The following GLYR1 variants were observed in gnomAD, a reference collection of about 807,000 sequenced individuals.
GLYR1 encodes the protein glyoxylate reductase 1 homolog, also known as cytokine-like nuclear factor N-PAC.
Under a neutral mutation model 72.7 loss-of-function variants are expected in GLYR1, and 21 were observed. The observed-to-expected ratio is 0.29, with a 90% CI of 0.20 to 0.42. GLYR1 has a LOEUF of 0.42. GLYR1 is among the 10% of genes least tolerant of loss of function. The pLI is 1.00. For synonymous variants in GLYR1, 392 were observed against 270.2 expected (o/e 1.45, Z -4.42); for missense variants, 594 against 712.1 (o/e 0.83, Z 1.89).
Position 4,847,252 on chromosome 16 carries a change from C to T in GLYR1, c.14G>A (p.Ser5Asn), listed in dbSNP as rs113041803. The T allele has an allele frequency of 3.1e-6, 5 of 1,610,124 alleles. No homozygotes were observed. The African/African-American group carries it at 5.3e-5, about 17-fold the overall frequency. The part of the protein sequence containing the change: MAAV[S>N]LRLGDLVWGK... The stretch of plus-strand genomic sequence containing the variant: ...CCACACCAAGTCGCCGAGCCGCAGA[C>T]TCACAGCCGCCATCTTACCACCCAA... The change falls in exon 1 of 16, where the codon AGT (serine) becomes AAT (asparagine). Residue 5 changes from serine to asparagine, a missense_variant. Physicochemically the swap from Ser to Asn is conservative, Grantham distance 46. This residue lies in a region of GLYR1 where 62 missense variants were observed against 82.5 expected (regional missense o/e 0.75). Transcript: ENST00000321919.
chr16:4,826,182 G>C (rs975659673), intron 5 of GLYR1, among the ~76,000 whole-genome samples: 1 of 151,998 alleles, frequency 6.6e-6, no homozygotes, highest in Admixed American at 6.6e-5. Context: ...TGGGTAGCTG[G>C]GACTACAGGT....
chr16:4,832,606 G>A, intron 4 of GLYR1, 168 bp downstream of exon 4: 2 of 801,554 alleles, frequency 2.5e-6, no homozygotes, highest in Non-Finnish European at 3.9e-6. Context: ...TAGCTGCATG[G>A]AGTTTCAAAC....
chr16:4,835,147 G>C (rs1001221118), intron 3 of GLYR1, among the ~76,000 whole-genome samples: 2 of 152,032 alleles, frequency 1.3e-5, no homozygotes, highest in African/African-American at 4.8e-5. Context: ...CTTGAGATGG[G>C]ACAACAGACT....
intron 3 of GLYR1, among the ~76,000 whole-genome samples, chr16:4,844,759 A>G (rs1226494848): frequency 6.6e-6 from 1 of 152,262 alleles, no homozygotes; most frequent in African/African-American, 2.4e-5. Flanking sequence ...TCTCTGTCTC[A>G]AAAACAAACA....
intron 9 of GLYR1, among the ~76,000 whole-genome samples, chr16:4,819,289 G>T (rs1385455463): frequency 6.6e-6 from 1 of 152,000 alleles, no homozygotes; most frequent in Non-Finnish European, 1.5e-5. Context: ...TTAGGATTAT[G>T]GGCGTGAGCC....
chr16:4,843,704 C>T lies in GLYR1; in HGVS notation c.155+1370G>A, dbSNP rs571042858. On this transcript the variant is annotated intron_variant, in intron 3 of 15. Coordinates refer to ENST00000321919, the MANE Select transcript of GLYR1 (RefSeq NM_032569.4). ...GCTTTCTAAGTAGAAATACTTTAAC[C>T]GTCAGAATTAGATTTACCAGAGAAG... 2.6e-4 allele frequency: 308 copies of T among 1,178,448 alleles called. 1 individual carries two copies. Among genetic ancestry groups the T allele is most frequent in the Non-Finnish European group, 3.3e-4 (294 of 900,932 alleles). 73.0% of individuals were successfully genotyped at this position (1,178,448 alleles called of 1,614,324 possible). A position where few individuals can be genotyped will look rare whatever the true frequency, so the allele number is the denominator to read the frequency against.
At chr16:4,839,864 G>A (rs2085419133) in intron 3 of GLYR1, 1 of 152,034 alleles carries the variant, frequency 6.6e-6, no homozygotes, top group Admixed American at 6.6e-5. Flanking sequence ...TGCCTAAGTA[G>A]TGTGTCAATT....
At chr16:4,805,405 G>T (rs1383585311) in intron 15 of GLYR1, 95 bp from the exon 16 acceptor site, 3 of 1,043,322 alleles carry the variant, frequency 2.9e-6, no homozygotes, top group Admixed American at 3.9e-5. Flanking sequence ...TGGCCAGCAG[G>T]CAGTGCTGGA....
chr16:4,805,386 T>A, intron 15 of GLYR1, 76 bp from the exon 16 acceptor site: 1 of 1,249,948 alleles, frequency 8.0e-7, no homozygotes, highest in Non-Finnish European at 1.2e-6. Context: ...CTGGAGGCAG[T>A]GGTGGATGTG....
chr16:4,845,735 T>A (rs2085972891), intron 2 of GLYR1, among the ~76,000 whole-genome samples: 1 of 152,190 alleles, frequency 6.6e-6, no homozygotes, highest in Non-Finnish European at 1.5e-5. Flanking sequence ...AAATCTGGAA[T>A]GCCAACTTCT....
chr16:4,838,890 A>T lies in GLYR1; in HGVS notation c.156-5978T>A, dbSNP rs145213685. Among the ~76,000 whole-genome samples, 56 of 150,662 alleles carry T rather than the reference A, an allele frequency of 3.7e-4. No homozygotes were observed. The East Asian group carries it at 0.01, about 28-fold the overall frequency. On this transcript the variant is annotated intron_variant, in intron 3 of 15. Transcript: ENST00000321919. ...ATGTGAGCCACCGTGCCTGGCCAAA[A>T]CTCTTCTTTTTTAAAAGACAGGGTC...
At chr16:4,814,429 C>T (rs2083499522) in intron 11 of GLYR1, 108 bp downstream of exon 11, 4 of 807,138 alleles carry the variant, frequency 5.0e-6, no homozygotes, top group East Asian at 4.9e-5. Flanking sequence ...GGAAATTCAG[C>T]CCCCCACATG....
intron 3 of GLYR1, among the ~76,000 whole-genome samples, chr16:4,836,591 A>G (rs1182649230): frequency 1.3e-5 from 2 of 152,190 alleles, no homozygotes; most frequent in Admixed American, 6.5e-5. Context: ...GATGTCTCGT[A>G]AGATATCTGG....
chr16:4,813,498 A>G (rs1732824829), intron 12 of GLYR1, among the ~76,000 whole-genome samples: 1 of 152,150 alleles, frequency 6.6e-6, no homozygotes, highest in South Asian at 2.1e-4. Flanking sequence ...TTCTCATCAT[A>G]AGGCTGGCAG....
chr16:4,826,194 T>G (rs1463389805), intron 5 of GLYR1, among the ~76,000 whole-genome samples: 1 of 152,138 alleles, frequency 6.6e-6, no homozygotes, highest in African/African-American at 2.4e-5. Flanking sequence ...ACTACAGGTG[T>G]GTGCCACTAC....
At chr16:4,837,500 G>C (rs1038612966) in intron 3 of GLYR1, among the ~76,000 whole-genome samples, 2 of 152,048 alleles carry the variant, frequency 1.3e-5, no homozygotes, top group East Asian at 3.9e-4. Context: ...GACTAATCTT[G>C]AACGCTGTCA....
rs1261107812 is a variant in GLYR1, at chr16:4,843,709, G to A, written c.155+1365C>T. ...CTAAGTAGAAATACTTTAACCGTCA[G>A]AATTAGATTTACCAGAGAAGCCACA... is the stretch of plus-strand genomic sequence containing the variant. On this transcript the variant is annotated intron_variant, in intron 3 of 15. Coordinates refer to ENST00000321919, the MANE Select transcript of GLYR1 (RefSeq NM_032569.4). 3 of 1,148,274 alleles carry A rather than the reference G, an allele frequency of 2.6e-6. No individual in the cohort carries two copies. The East Asian group carries it at 1.9e-4, about 71-fold the overall frequency. 71.1% of individuals were successfully genotyped at this position (1,148,274 alleles called of 1,614,324 possible). A position where few individuals can be genotyped will look rare whatever the true frequency, so the allele number is the denominator to read the frequency against.
At chr16:4,836,853 C>T (rs981531210) in intron 3 of GLYR1, among the ~76,000 whole-genome samples, 1 of 151,966 alleles carries the variant, frequency 6.6e-6, no homozygotes, top group African/African-American at 2.4e-5. Context: ...TACTAAAGGC[C>T]TCTGCCCTAG....
At chr16:4,808,824 G>A (rs945341275) in intron 15 of GLYR1, among the ~76,000 whole-genome samples, 2 of 151,934 alleles carry the variant, frequency 1.3e-5, no homozygotes, top group African/African-American at 4.8e-5. Flanking sequence ...TGTGAAGTTG[G>A]ATACAGTTGT....
Sources: allele counts gnomAD v4.1 joint callset (sites outside exome capture counted in the v4.1 genomes callset), GRCh38; gene constraint gnomAD v4.1.1; regional missense constraint gnomAD v4.1.1; transcripts MANE v1.5; gene names NCBI Gene and HGNC (gene_info 2026-07-23, HGNC 2026-07-21).